The following ABCG1 variants were observed in gnomAD, a reference collection of about 807,000 sequenced individuals.
ABCG1 encodes ATP binding cassette subfamily G member 1, also known as ATP-binding cassette sub-family G member 1.
ABCG1 carries 29 observed loss-of-function variants against 69.2 expected under a neutral mutation model. The observed-to-expected ratio is 0.42, with a 90% CI of 0.31 to 0.57. The LOEUF (loss-of-function observed/expected upper bound fraction) is 0.57, where lower values mean the gene tolerates loss of function less well. Ranked by LOEUF, ABCG1 falls within the 20% of genes least tolerant of loss-of-function variation. The pLI is 0.15. For missense variants in ABCG1, 718 were observed against 898.1 expected, an observed-to-expected ratio of 0.80 and a Z score of 2.56; for synonymous variants, 370 against 374.8, an observed-to-expected ratio of 0.99 and a Z score of 0.15.
chr21:42,220,697 C>G (rs1196700663), intron 1 of ABCG1, among the ~76,000 whole-genome samples: 1 of 152,388 alleles, frequency 6.6e-6, no homozygotes, highest in Non-Finnish European at 1.5e-5. Context: ...AACGGAAAAG[C>G]CGTTTCCCTC....
chr21:42,271,226 G>A (rs1214268751), intron 3 of ABCG1, 39 bp downstream of exon 3: 1 of 1,368,610 alleles, frequency 7.3e-7, no homozygotes, highest in Non-Finnish European at 9.8e-7. Context: ...TCTCTCCCGG[G>A]TGTCAGGCCA....
intron 2 of ABCG1, among the ~76,000 whole-genome samples, chr21:42,209,411 T>G (rs569895859): frequency 6.6e-6 from 1 of 152,320 alleles, no homozygotes; most frequent in Admixed American, 6.5e-5. Context: ...TGGTTTTTAT[T>G]AAGCACCTAC....
intron 2 of ABCG1, among the ~76,000 whole-genome samples, chr21:42,262,357 C>G (rs1181808694): frequency 2.0e-5 from 3 of 152,160 alleles, no homozygotes; most frequent in East Asian, 3.9e-4. Context: ...GTCAGTTGCA[C>G]AAGTGAAGAT....
rs2067807986 is a variant in ABCG1, at chr21:42,225,843, G to T, written c.215G>T (p.Arg72Met). 1.2e-6 allele frequency: 2 copies of T among 1,613,906 alleles called. No individual in the cohort carries two copies. The highest frequency in any genetic ancestry group is 1.7e-5 in the Admixed American group (1 of 59,998). The change falls in exon 2 of 15, where the codon AGG (arginine) becomes ATG (methionine). Residue 72 changes from arginine to methionine, a missense_variant. Transcript: ENST00000398449. The part of the protein sequence containing the change: ...EAQRFSSLPR[R>M]AAVNIEFRDL... ...CAGCGCTTCTCCTCCTTGCCTCGGA[G>T]GGCAGCTGTGAACATTGAATTCAGG...
rs899191784 is a variant in ABCG1, at chr21:42,219,784, G to A, written c.42+480G>A. 213 of 1,418,222 alleles carry A rather than the reference G, an allele frequency of 1.5e-4. No homozygotes were observed. Among genetic ancestry groups the A allele is most frequent in the Non-Finnish European group, 1.8e-4 (199 of 1,087,564 alleles). 87.9% of individuals were successfully genotyped at this position (1,418,222 alleles called of 1,614,324 possible). ...TCCCCAGGAACGCCAGGCAAGGTCT[G>A]GGGGAACAAAAGAGGAAGCTGCCCC... On this transcript the variant is annotated intron_variant, in intron 1 of 14. Transcript: ENST00000398449. This position sits in a 1 kb window ranked among gnomAD's most constrained non-coding sequence, Gnocchi z 5.3.
intron 2 of ABCG1, among the ~76,000 whole-genome samples, chr21:42,203,762 C>A (rs1434257470): frequency 1.3e-5 from 2 of 152,176 alleles, no homozygotes; most frequent in Admixed American, 1.3e-4. Context: ...AAATTTTAGA[C>A]TACTCTTGTT....
chr21:42,202,533 C>T (rs937092900), intron 2 of ABCG1, among the ~76,000 whole-genome samples: 2 of 151,892 alleles, frequency 1.3e-5, no homozygotes, highest in Non-Finnish European at 2.9e-5. Context: ...CTCCCTCCCC[C>T]CATCCCTCTC....
intron 4 of ABCG1, among the ~76,000 whole-genome samples, chr21:42,274,741 A>G (rs144473786): frequency 6.6e-6 from 1 of 151,852 alleles, no homozygotes; most frequent in African/African-American, 2.4e-5. Context: ...CCAAAGTGCT[A>G]GGATTACAGG....
At chr21:42,258,415 A>C (rs1253087620) in intron 2 of ABCG1, among the ~76,000 whole-genome samples, 5 of 119,822 alleles carry the variant, frequency 4.2e-5, no homozygotes, top group Admixed American at 8.7e-5. Context: ...CCCACCTTCC[A>C]TATCCCCCCC....
chr21:42,228,824 T>C (rs2067858190), intron 2 of ABCG1, among the ~76,000 whole-genome samples: 1 of 152,190 alleles, frequency 6.6e-6, no homozygotes. Flanking sequence ...TGCCCACTGT[T>C]GTCCCAACAC....
chr21:42,222,245 G>C (rs1275480290), intron 1 of ABCG1, among the ~76,000 whole-genome samples: 1 of 152,196 alleles, frequency 6.6e-6, no homozygotes, highest in Non-Finnish European at 1.5e-5. Flanking sequence ...TACATTGCCG[G>C]CAGCTCTCAT....
At chr21:42,226,534 A>C (rs1220018155) in intron 2 of ABCG1, among the ~76,000 whole-genome samples, 1 of 152,214 alleles carries the variant, frequency 6.6e-6, no homozygotes, top group Admixed American at 6.5e-5. Flanking sequence ...TGCATGTTAC[A>C]GGAAATTGAT....
chr21:42,203,075 G>A (rs2067519386), intron 2 of ABCG1, among the ~76,000 whole-genome samples: 1 of 152,158 alleles, frequency 6.6e-6, no homozygotes, highest in African/African-American at 2.4e-5. Flanking sequence ...CGCTGCTGAT[G>A]CATTTGGGTA....
intron 13 of ABCG1, among the ~76,000 whole-genome samples, chr21:42,293,083 CACACTACACACCACACACGG>C: frequency 2.4e-5 from 1 of 41,604 alleles, no homozygotes; most frequent in African/African-American, 9.9e-5. Context: ...ACACACCACA[CACACTACACACCACACACGG>C]TACACACCAC....
At position 42,273,949 on chromosome 21, in the gene ABCG1, T is replaced by C. The variant is rs2068664036; in HGVS notation, c.537+514T>C. 6.6e-6 allele frequency among the ~76,000 whole-genome samples: 1 copy of C among 150,986 alleles called. No homozygotes were observed. ...TCCTGGGTCCCAGGCCCTGAGCACA[T>C]AGCTCTACACACACCAGATATGTCA... is the stretch of plus-strand genomic sequence containing the variant. On this transcript the variant is annotated intron_variant, in intron 4 of 14. Coordinates refer to ENST00000398449, the MANE Select transcript of ABCG1 (RefSeq NM_016818.3). This position sits in a 1 kb window ranked among gnomAD's most constrained non-coding sequence, Gnocchi z 5.3.
chr21:42,231,111 T>A (rs960797467), intron 2 of ABCG1, among the ~76,000 whole-genome samples: 1 of 152,232 alleles, frequency 6.6e-6, no homozygotes, highest in Non-Finnish European at 1.5e-5. Context: ...CATTGGCCAT[T>A]TATAGGGATT....
At chr21:42,222,235 T>A (rs2067740078) in intron 1 of ABCG1, among the ~76,000 whole-genome samples, 1 of 152,242 alleles carries the variant, frequency 6.6e-6, no homozygotes, top group South Asian at 2.1e-4. Flanking sequence ...CGCTGTAACC[T>A]ACATTGCCGG....
At chr21:42,206,375 T>TAAAC (rs1162269026) in intron 2 of ABCG1, among the ~76,000 whole-genome samples, 5 of 147,352 alleles carry the variant, frequency 3.4e-5, no homozygotes, top group African/African-American at 7.7e-5. Context: ...AATAAATAAA[T>TAAAC]AAATAAATAA....
chr21:42,251,942 T>C (rs919385195), intron 2 of ABCG1, among the ~76,000 whole-genome samples: 1 of 152,196 alleles, frequency 6.6e-6, no homozygotes, highest in African/African-American at 2.4e-5. Flanking sequence ...GTCCGTCGAA[T>C]CTGAAAGGAC....
Sources: allele counts gnomAD v4.1 joint callset (sites outside exome capture counted in the v4.1 genomes callset), GRCh38; gene constraint gnomAD v4.1.1; non-coding constraint Gnocchi (gnomAD v3.1); transcripts MANE v1.5; gene names NCBI Gene and HGNC (gene_info 2026-07-23, HGNC 2026-07-21).